Variants in AGBL4 observed in about 807,000 individuals in gnomAD.
AGBL4 encodes the protein AGBL carboxypeptidase 4.
In AGBL4, 58 loss-of-function variants were observed where a neutral mutation model predicts 66.4. That is an observed-to-expected ratio of 0.87 (90% CI 0.71 to 1.09). The LOEUF (loss-of-function observed/expected upper bound fraction) is 1.09. Ranked by LOEUF, AGBL4 falls within the 50% of genes least tolerant of loss-of-function variation. The pLI is 0.00. For synonymous variants in AGBL4, 234 were observed against 222.9 expected, an observed-to-expected ratio of 1.05 and a Z score of -0.44; for missense variants, 579 against 631.0, an observed-to-expected ratio of 0.92 and a Z score of 0.88.
intron 3 of AGBL4, among the ~76,000 whole-genome samples, chr1:49,467,058 T>C (rs1179452979): frequency 6.6e-6 from 1 of 151,720 alleles, no homozygotes; most frequent in African/African-American, 2.4e-5. Context: ...AAAAGGGATG[T>C]GCTAGGGTGG....
intron 1 of AGBL4, among the ~76,000 whole-genome samples, chr1:49,925,924 T>C (rs932149524): frequency 2.6e-5 from 4 of 152,158 alleles, no homozygotes; most frequent in Non-Finnish European, 4.4e-5. Flanking sequence ...GATAGCATCT[T>C]TGGATCCACC....
chr1:49,616,635 TC>T (rs1355596287), intron 3 of AGBL4, among the ~76,000 whole-genome samples: 1 of 152,184 alleles, frequency 6.6e-6, no homozygotes, highest in Non-Finnish European at 1.5e-5. Context: ...AACTGCCTAT[TC>T]AATATCTTTA....
intron 5 of AGBL4, among the ~76,000 whole-genome samples, chr1:49,006,178 G>A (rs186400521): frequency 0.05 from 7,633 of 152,132 alleles, 569 homozygotes; most frequent in African/African-American, 0.17. Context: ...TGCACCGTGC[G>A]CGAGCCAAAG....
chr1:48,858,431 G>A (rs1053652948), intron 6 of AGBL4, among the ~76,000 whole-genome samples: 4 of 152,132 alleles, frequency 2.6e-5, no homozygotes, highest in African/African-American at 9.7e-5. Flanking sequence ...CATCCCAAAT[G>A]TCCAATAACA....
chr1:49,405,786 G>A (rs555411854), intron 3 of AGBL4, among the ~76,000 whole-genome samples: 7 of 152,200 alleles, frequency 4.6e-5, no homozygotes, highest in Non-Finnish European at 1.0e-4. Context: ...GGAAGTAACA[G>A]TAAAAAACAA....
intron 5 of AGBL4, among the ~76,000 whole-genome samples, chr1:48,911,996 G>C (rs1262352640): frequency 6.6e-6 from 1 of 152,136 alleles, no homozygotes; most frequent in African/African-American, 2.4e-5. Flanking sequence ...CTTGAGGGCA[G>C]AGATCATTTC....
At chr1:49,244,278 AG>A (rs1237761847) in intron 4 of AGBL4, among the ~76,000 whole-genome samples, 1 of 151,808 alleles carries the variant, frequency 6.6e-6, no homozygotes, top group Non-Finnish European at 1.5e-5. Flanking sequence ...CAAGGTTTAT[AG>A]TACTAATCTA....
At chr1:49,197,755 A>T (rs1311074883) in intron 4 of AGBL4, among the ~76,000 whole-genome samples, 1 of 152,144 alleles carries the variant, frequency 6.6e-6, no homozygotes, top group Non-Finnish European at 1.5e-5. Context: ...CCAGGCCAAA[A>T]CCATGCCTCT....
chr1:49,835,309 C>T (rs1373870058), intron 2 of AGBL4, among the ~76,000 whole-genome samples: 1 of 152,072 alleles, frequency 6.6e-6, no homozygotes, highest in African/African-American at 2.4e-5. Context: ...TGCATTGATC[C>T]CTTTACCATT....
At chr1:49,326,140 C>A (rs1385719763) in intron 3 of AGBL4, among the ~76,000 whole-genome samples, 3 of 152,184 alleles carry the variant, frequency 2.0e-5, no homozygotes, top group Non-Finnish European at 4.4e-5. Context: ...TGTCTTTACC[C>A]TGAAGAACTT....
intron 1 of AGBL4, among the ~76,000 whole-genome samples, chr1:49,906,114 CTCTG>C (rs1650248558): frequency 9.0e-6 from 1 of 110,874 alleles, no homozygotes; most frequent in Non-Finnish European, 1.9e-5. Context: ...AGAAACAGGA[CTCTG>C]TGTGTGTGTG....
chr1:48,858,091 T>G (rs1647223324), intron 6 of AGBL4, among the ~76,000 whole-genome samples: 1 of 152,130 alleles, frequency 6.6e-6, no homozygotes, highest in Non-Finnish European at 1.5e-5. Context: ...TTTGTTATCA[T>G]TAGACATCAG....
chr1:49,622,628 CAAAAAAAAAAAAA>C (rs71059557), intron 3 of AGBL4, among the ~76,000 whole-genome samples: 2 of 65,486 alleles, frequency 3.1e-5, no homozygotes, highest in Non-Finnish European at 2.6e-5. Flanking sequence ...GACTCCGTCT[CAAAAAAAAAAAAA>C]AAAAAAAAAA....
intron 6 of AGBL4, among the ~76,000 whole-genome samples, chr1:48,665,700 C>A (rs970429377): frequency 5.9e-5 from 9 of 152,158 alleles, no homozygotes; most frequent in African/African-American, 2.2e-4. Context: ...ACAATTTACA[C>A]AAGAGAATTT....
chr1:48,540,540 T>C (rs986604083), intron 11 of AGBL4, among the ~76,000 whole-genome samples: 5 of 152,118 alleles, frequency 3.3e-5, no homozygotes, highest in Admixed American at 1.3e-4. Context: ...GATATCTCTT[T>C]ATTAGAGCCC....
chr1:49,716,337 C>A (rs978608909), intron 2 of AGBL4, among the ~76,000 whole-genome samples: 2 of 152,086 alleles, frequency 1.3e-5, no homozygotes, highest in Admixed American at 1.3e-4. Context: ...CAGTACCATG[C>A]TGTTTTGGTA....
At chr1:49,662,519 A>C (rs531063424) in intron 3 of AGBL4, among the ~76,000 whole-genome samples, 4 of 152,192 alleles carry the variant, frequency 2.6e-5, no homozygotes, top group Non-Finnish European at 2.9e-5. Flanking sequence ...GGAAAATGAA[A>C]TGGTAAGTGA....
intron 1 of AGBL4, among the ~76,000 whole-genome samples, chr1:49,921,059 G>A (rs1652180204): frequency 1.3e-5 from 2 of 152,098 alleles, no homozygotes; most frequent in African/African-American, 2.4e-5. Context: ...TTGGACACAG[G>A]AAGTGGAACA....
intron 6 of AGBL4, among the ~76,000 whole-genome samples, chr1:48,846,362 GAAGAAAGAAAGAAAGAAAGAAAGAAAGA>G (rs72459142): frequency 2.5e-5 from 3 of 118,690 alleles, no homozygotes; most frequent in South Asian, 6.3e-4. Flanking sequence ...GAGAAAGAAA[GAAGAAAGAAAGAAAGAAAGAAAGAAAGA>G]AAGAAAGAAA....
Sources: gnomAD v4.1 joint callset for allele counts (sites outside exome capture counted in the v4.1 genomes callset) on GRCh38, gnomAD v4.1.1 for gene constraint, MANE v1.5 for transcripts, NCBI Gene and HGNC (gene_info 2026-07-23, HGNC 2026-07-21) for gene names.